The following CFAP299 variants were observed in gnomAD, a reference collection of about 807,000 sequenced individuals.
CFAP299 encodes the protein cilia and flagella associated protein 299.
Under a neutral mutation model 27.0 loss-of-function variants are expected in CFAP299, and 21 were observed. The ratio of observed to expected loss-of-function variants is 0.78; its 90% CI spans 0.55 to 1.12. The LOEUF (loss-of-function observed/expected upper bound fraction) is 1.12. Among genes scored for constraint, CFAP299 ranks in the 50% most tolerant of loss-of-function variants. The pLI is 0.00. For missense variants in CFAP299, 310 were observed against 276.6 expected (o/e 1.12, Z -0.86); for synonymous variants, 104 against 98.1 (o/e 1.06, Z -0.36).
intron 3 of CFAP299, among the ~76,000 whole-genome samples, chr4:80,718,951 T>C (rs913693690): frequency 6.6e-6 from 1 of 152,154 alleles, no homozygotes; most frequent in African/African-American, 2.4e-5. Flanking sequence ...CATGGAATAC[T>C]ATGCAGCCAT....
intron 3 of CFAP299, among the ~76,000 whole-genome samples, chr4:80,755,570 GTGA>G (rs1167782206): frequency 6.6e-6 from 1 of 152,046 alleles, no homozygotes; most frequent in African/African-American, 2.4e-5. Context: ...GATAATAAAA[GTGA>G]CCGTTGAACT....
At chr4:80,513,319 G>A (rs1209770389) in intron 2 of CFAP299, among the ~76,000 whole-genome samples, 1 of 152,136 alleles carries the variant, frequency 6.6e-6, no homozygotes, top group Non-Finnish European at 1.5e-5. Context: ...TCCAGTCAGA[G>A]CAAGCATCAG....
intron 2 of CFAP299, among the ~76,000 whole-genome samples, chr4:80,464,520 C>A (rs1729614172): frequency 6.6e-6 from 1 of 152,184 alleles, no homozygotes; most frequent in Non-Finnish European, 1.5e-5. Context: ...ATCCAGGATT[C>A]CAAACTTCAA....
intron 2 of CFAP299, among the ~76,000 whole-genome samples, chr4:80,466,044 A>AT (rs1162907685): frequency 2.6e-5 from 4 of 152,224 alleles, no homozygotes; most frequent in Admixed American, 2.6e-4. Context: ...GGTCCAGAGA[A>AT]GTGCAGCAAT....
chr4:80,779,238 C>A lies in CFAP299; in HGVS notation c.334-90755C>A, dbSNP rs182324571. 3.8e-3 allele frequency among the ~76,000 whole-genome samples: 583 copies of A among 152,212 alleles called. 1 individual carries two copies. Among genetic ancestry groups the A allele is most frequent in the African/African-American group, 0.013 (545 of 41,532 alleles). ...TTAATCTCTATGCTGCACTCTCTGA[C>A]AAATAAGTTCATTTTCAGCAATTCC... On this transcript the variant is annotated intron_variant, in intron 3 of 5. Transcript: ENST00000358105.
At chr4:80,576,197 A>ATATAT (rs1553935644) in intron 2 of CFAP299, among the ~76,000 whole-genome samples, 890 of 32,408 alleles carry the variant, frequency 0.027, 8 homozygotes, top group African/African-American at 0.049. Flanking sequence ...TAAAAAAAAA[A>ATATAT]ATATATATAT....
Position 80,511,329 on chromosome 4 carries a change from T to C in CFAP299, c.243-71764T>C, listed in dbSNP as rs144796613. ...TGTTGGTAACTGTTATTATTGACAT[T>C]AAATACAGGAGATGCACATAGCATC... On this transcript the variant is annotated intron_variant, in intron 2 of 5. Transcript: ENST00000358105. Among the ~76,000 whole-genome samples the C allele has an allele frequency of 1.1e-4, 16 of 152,292 alleles. 1 individual carries two copies. The East Asian group carries it at 3.1e-3, about 29-fold the overall frequency.
intron 2 of CFAP299, among the ~76,000 whole-genome samples, chr4:80,548,869 C>T (rs1399915806): frequency 6.6e-6 from 1 of 151,918 alleles, no homozygotes; most frequent in African/African-American, 2.4e-5. Context: ...GAATGTTGGT[C>T]AGTAAGGGCT....
intron 2 of CFAP299, among the ~76,000 whole-genome samples, chr4:80,488,561 C>T (rs1162069170): frequency 6.6e-6 from 1 of 150,508 alleles, no homozygotes; most frequent in Non-Finnish European, 1.5e-5. Flanking sequence ...GCAAGTTTCT[C>T]CTCCCAGGTT....
At chr4:80,552,570 A>C (rs1578588404) in intron 2 of CFAP299, among the ~76,000 whole-genome samples, 1 of 152,238 alleles carries the variant, frequency 6.6e-6, no homozygotes, top group East Asian at 1.9e-4. Flanking sequence ...AAAAAATTAC[A>C]AAGAAAACTG....
At chr4:80,394,122 C>T (rs578126959) in intron 2 of CFAP299, among the ~76,000 whole-genome samples, 1 of 152,254 alleles carries the variant, frequency 6.6e-6, no homozygotes, top group South Asian at 2.1e-4. Context: ...TGTAAGTTTC[C>T]TGAGGCATCT....
At chr4:80,782,398 T>G (rs899074640) in intron 3 of CFAP299, among the ~76,000 whole-genome samples, 3 of 151,290 alleles carry the variant, frequency 2.0e-5, no homozygotes, top group African/African-American at 7.3e-5. Context: ...CAACAAATTT[T>G]TCTTTTTCTT....
intron 3 of CFAP299, among the ~76,000 whole-genome samples, chr4:80,839,952 T>C (rs984852751): frequency 6.6e-6 from 1 of 152,140 alleles, no homozygotes; most frequent in Non-Finnish European, 1.5e-5. Context: ...TTTATTTTTG[T>C]CTTCCACTCT....
At chr4:80,519,269 C>T (rs939775112) in intron 2 of CFAP299, among the ~76,000 whole-genome samples, 9 of 151,988 alleles carry the variant, frequency 5.9e-5, no homozygotes, top group East Asian at 1.9e-4. Context: ...TGCAGTGGCA[C>T]GATCTTGGCT....
intron 2 of CFAP299, among the ~76,000 whole-genome samples, chr4:80,373,984 G>T (rs1359016711): frequency 1.3e-5 from 2 of 152,112 alleles, no homozygotes; most frequent in Non-Finnish European, 2.9e-5. Flanking sequence ...GTTTCTTCTA[G>T]GATTGCCATT....
chr4:80,715,714 C>T (rs1722440745), intron 3 of CFAP299, among the ~76,000 whole-genome samples: 1 of 151,906 alleles, frequency 6.6e-6, no homozygotes, highest in South Asian at 2.1e-4. Flanking sequence ...TGCATTTTCT[C>T]TTAAATATTG....
chr4:80,432,372 C>T (rs1307846512), intron 2 of CFAP299, among the ~76,000 whole-genome samples: 4 of 151,814 alleles, frequency 2.6e-5, no homozygotes, highest in South Asian at 2.1e-4. Flanking sequence ...AGGCTGGTCT[C>T]GAACTCCTGA....
intron 2 of CFAP299, among the ~76,000 whole-genome samples, chr4:80,376,929 T>C (rs1724444144): frequency 1.3e-5 from 2 of 152,268 alleles, no homozygotes; most frequent in South Asian, 4.1e-4. Context: ...TGAGCATCTT[T>C]TTATGTGCTT....
chr4:80,321,706 T>A, the CFAP299 span, among the ~76,000 whole-genome samples: 3 of 152,150 alleles, frequency 2.0e-5, no homozygotes, highest in Admixed American at 6.5e-5. Context: ...TTAGATCCAA[T>A]ACAAAATCCC....
Sources: allele counts gnomAD v4.1 joint callset (sites outside exome capture counted in the v4.1 genomes callset), GRCh38; gene constraint gnomAD v4.1.1; transcripts MANE v1.5; gene names NCBI Gene and HGNC (gene_info 2026-07-23, HGNC 2026-07-21).